Variants in HEATR5A observed in about 807,000 individuals in gnomAD.
HEATR5A encodes the protein HEAT repeat containing 5A.
In HEATR5A, 178 loss-of-function variants were observed where a neutral mutation model predicts 218.8. The ratio of observed to expected loss-of-function variants is 0.81; its 90% CI spans 0.72 to 0.92. The LOEUF (loss-of-function observed/expected upper bound fraction) is 0.92. HEATR5A is among the 40% of genes least tolerant of loss of function. HEATR5A has a pLI of 0.00. For synonymous variants in HEATR5A, 864 were observed against 871.6 expected, an observed-to-expected ratio of 0.99 and a Z score of 0.15; for missense variants, 2,420 against 2,418.9, an observed-to-expected ratio of 1.00 and a Z score of -0.01.
chr14:31,374,990 A>G (rs1902174195), intron 11 of HEATR5A, 22 bp from the exon 12 acceptor site: 1 of 1,578,626 alleles, frequency 6.3e-7, no homozygotes, highest in South Asian at 1.2e-5. Context: ...TCAACTTGTC[A>G]CTTGTAAGAG....
Position 31,293,921 on chromosome 14 carries a change from T to C in HEATR5A, c.5803A>G (p.Thr1935Ala). Reference protein sequence around the residue: ...IFQEGIKVLETLVTVAEEHHR... With the variant: ...IFQEGIKVLEALVTVAEEHHR... ...TGTTCTTCAGCAACAGTAACCAGTG[T>C]TTCTAAGACCTTTATGCCTTCTTGG... The change falls in exon 35 of 36, where the codon ACA (threonine) becomes GCA (alanine). Residue 1935 changes from threonine (T) to alanine (A), a missense_variant. By Grantham distance (58) the Thr-to-Ala change is moderately conservative. Transcript: ENST00000543095. 5 of 1,605,878 alleles carry C rather than the reference T, an allele frequency of 3.1e-6. No individual in the cohort carries two copies. Among genetic ancestry groups the C allele is most frequent in the Non-Finnish European group, 4.3e-6 (5 of 1,175,762 alleles).
intron 1 of HEATR5A, among the ~76,000 whole-genome samples, chr14:31,412,076 G>A (rs1307389713): frequency 1.3e-5 from 2 of 151,904 alleles, no homozygotes; most frequent in African/African-American, 2.4e-5. Flanking sequence ...GGCTGGTCTC[G>A]AACTCCTGGC....
In HEATR5A at chr14:31,315,808, TA is replaced by T; in HGVS notation, c.4179del (p.Thr1394ProfsTer5). 6.2e-7 allele frequency: 1 copy of T among 1,612,794 alleles called. No homozygotes were observed. The highest frequency in any genetic ancestry group is 1.1e-5 in the South Asian group (1 of 90,866). ...TTAAGCACAGCTAAGATCTCCATGG[TA>T]GAAGCACTTTCATTATATAAGTGAC... ...ALSHLYNESA[S>X]TMEILAVLKA... On this transcript the variant is annotated frameshift_variant, in exon 27 of 36. Transcript: ENST00000543095. LOFTEE classifies it high-confidence loss of function.
chr14:31,322,441 C>A (rs1257149268), intron 24 of HEATR5A, among the ~76,000 whole-genome samples: 1 of 152,118 alleles, frequency 6.6e-6, no homozygotes, highest in African/African-American at 2.4e-5. Context: ...ACCAGAGATA[C>A]CTAATTCATA....
At chr14:31,323,463 G>T in intron 24 of HEATR5A, 102 bp downstream of exon 24, 1 of 948,816 alleles carries the variant, frequency 1.1e-6, no homozygotes, top group Non-Finnish European at 1.5e-6. Flanking sequence ...TGTCTGGCTA[G>T]TTTCATTTTA....
chr14:31,323,651 C>T lies in HEATR5A; in HGVS notation c.3701G>A (p.Cys1234Tyr). 4 of 1,613,192 alleles carry T rather than the reference C, an allele frequency of 2.5e-6. No individual in the cohort carries two copies. Among genetic ancestry groups the T allele is most frequent in the Non-Finnish European group, 3.4e-6 (4 of 1,179,336 alleles). ...ATRVFAAECVCRIINQCENAN... is the reference protein window; with the variant it reads ...ATRVFAAECVYRIINQCENAN... The stretch of plus-strand genomic sequence containing the variant: ...ATTCTCACATTGGTTAATTATCCTA[C>T]AGACACATTCAGCAGCAAAGACTCT... The change falls in exon 24 of 36, where the codon TGT becomes TAT. Residue 1234 changes from cysteine to tyrosine, a missense_variant. Transcript: ENST00000543095.
chr14:31,400,842 T>C (rs1481373034), intron 2 of HEATR5A, among the ~76,000 whole-genome samples: 1 of 37,642 alleles, frequency 2.7e-5, no homozygotes, highest in Non-Finnish European at 5.4e-5. Flanking sequence ...ATTATTATTA[T>C]TGTTTTTTTT....
chr14:31,293,349 G>C lies in HEATR5A; in HGVS notation c.6097C>G (p.Pro2033Ala), dbSNP rs778011625. 5 of 1,600,152 alleles carry C rather than the reference G, an allele frequency of 3.1e-6. No individual in the cohort carries two copies. In the African/African-American group the frequency reaches 6.8e-5, roughly 22 times the overall value. Reference protein sequence around the residue: ...KIPTSKYTKSPGKNSSIQLKT... With the variant: ...KIPTSKYTKSAGKNSSIQLKT... ...AATTGGATGCTTGAGTTTTTTCCAG[G>C]ACTCTTAGTATATTTAGATGTTGGT... The change falls in exon 36 of 36, where the codon CCT becomes GCT. Residue 2033 changes from proline to alanine, a missense_variant. Physicochemically the swap from Pro to Ala is conservative, Grantham distance 27. Transcript: ENST00000543095.
At chr14:31,330,101 C>T (rs1049706774) in intron 22 of HEATR5A, among the ~76,000 whole-genome samples, 8 of 152,248 alleles carry the variant, frequency 5.3e-5, no homozygotes, top group African/African-American at 1.9e-4. Flanking sequence ...TCCCTTTGCA[C>T]TGCCCTAGCA....
intron 18 of HEATR5A, among the ~76,000 whole-genome samples, chr14:31,348,676 TC>T (rs1458176463): frequency 6.6e-6 from 1 of 152,208 alleles, no homozygotes; most frequent in African/African-American, 2.4e-5. Flanking sequence ...ATTTAGCCCT[TC>T]TTTAATCCTC....
intron 11 of HEATR5A, among the ~76,000 whole-genome samples, chr14:31,379,966 A>G (rs1357870429): frequency 6.6e-6 from 1 of 152,162 alleles, no homozygotes; most frequent in African/African-American, 2.4e-5. Flanking sequence ...TCAAAAATTT[A>G]GAGGATATAA....
intron 1 of HEATR5A, among the ~76,000 whole-genome samples, chr14:31,419,799 C>A (rs2031580349): frequency 1.3e-5 from 2 of 152,238 alleles, no homozygotes; most frequent in Admixed American, 6.5e-5. Context: ...AATAACGCCG[C>A]GTTGGCCGAG....
chr14:31,387,098 CTG>C lies in HEATR5A; in HGVS notation c.1189+20_1189+21del. ...AATTCCATTAGCACTGTTAAACAAA[CTG>C]TCTTAGTAGAGATCCATACCCATAA... On this transcript the variant is annotated intron_variant, in intron 8 of 35. Transcript: ENST00000543095. The C allele has an allele frequency of 6.2e-7, 1 of 1,609,190 alleles. No individual in the cohort carries two copies. The highest frequency in any genetic ancestry group is 1.1e-5 in the South Asian group (1 of 90,726).
At chr14:31,307,524 A>C (rs1463036190) in intron 30 of HEATR5A, among the ~76,000 whole-genome samples, 1 of 152,214 alleles carries the variant, frequency 6.6e-6, no homozygotes, top group Non-Finnish European at 1.5e-5. Flanking sequence ...AACCCATTAG[A>C]TTCTCTCTTG....
At chr14:31,321,272 C>A (rs1298857759) in intron 25 of HEATR5A, among the ~76,000 whole-genome samples, 7 of 152,052 alleles carry the variant, frequency 4.6e-5, no homozygotes, top group Non-Finnish European at 8.8e-5. Flanking sequence ...GATTCTCCCA[C>A]CTCAGCCTGA....
At chr14:31,378,541 G>A (rs555252618) in intron 11 of HEATR5A, among the ~76,000 whole-genome samples, 22 of 152,038 alleles carry the variant, frequency 1.4e-4, no homozygotes, top group East Asian at 9.7e-4. Context: ...TAATCCCAGC[G>A]CTTTGGGAGG....
Position 31,293,681 on chromosome 14 carries a change from TG to T in HEATR5A, c.5834-70del. On this transcript the variant is annotated intron_variant, in intron 35 of 35. Transcript: ENST00000543095. Reference sequence around the variant, plus strand: ...TCTAACAAAAGCCTGCAAATGCACTTGATCTGTATACATTTTTCCCCACTAA... The same window carrying T: ...TCTAACAAAAGCCTGCAAATGCACTTATCTGTATACATTTTTCCCCACTAA... 3 of 1,374,964 alleles carry T rather than the reference TG, an allele frequency of 2.2e-6. No homozygotes were observed. The South Asian group carries it at 4.4e-5, about 20-fold the overall frequency. 85.2% of individuals were successfully genotyped at this position (1,374,964 alleles called of 1,614,324 possible).
chr14:31,293,534 G>A lies in HEATR5A; in HGVS notation c.5912C>T (p.Ser1971Phe). ...LDENSLGSAT[S>F]IMRNLHDFAL... Reference sequence around the variant, plus strand: ...AAAGTCATGTAAATTTCTCATTATGGAAGTTGCTGATCCCAGAGAATTTTC... The same window carrying A: ...AAAGTCATGTAAATTTCTCATTATGAAAGTTGCTGATCCCAGAGAATTTTC... The change falls in exon 36 of 36, where the codon TCC (serine) becomes TTC (phenylalanine). Residue 1971 changes from serine to phenylalanine, a missense_variant. Transcript: ENST00000543095. The A allele has an allele frequency of 1.2e-6, 2 of 1,613,850 alleles. No homozygotes were observed. Among genetic ancestry groups the A allele is most frequent in the Non-Finnish European group, 1.7e-6 (2 of 1,179,800 alleles).
rs1491390339 is a variant in HEATR5A at position 31,400,845 on chromosome 14, T to TTG, written c.127-334_127-333insCA. Among the ~76,000 whole-genome samples, 19 of 596 alleles carry TTG rather than the reference T, an allele frequency of 0.032. No homozygotes were observed. The East Asian group carries it at 0.5, about 16-fold the overall frequency. 0.4% of individuals were successfully genotyped at this position (596 alleles called of 152,430 possible). ...CAAATTTGTATTATTATTATTATTGTTTTTTTTTTTTTGAGATGGAGTCTC... is the reference window on the plus strand; with the variant it reads ...CAAATTTGTATTATTATTATTATTGTTGTTTTTTTTTTTTGAGATGGAGTCTC... On this transcript the variant is annotated intron_variant, in intron 2 of 35. Transcript: ENST00000543095.
Sources: gnomAD v4.1 joint callset for allele counts (sites outside exome capture counted in the v4.1 genomes callset) on GRCh38, gnomAD v4.1.1 for gene constraint, MANE v1.5 for transcripts, NCBI Gene and HGNC (gene_info 2026-07-23, HGNC 2026-07-21) for gene names.